Variants in MAEA observed in about 807,000 individuals in gnomAD.
MAEA encodes E3 ubiquitin-protein transferase MAEA.
In MAEA, 22 loss-of-function variants were observed where a neutral mutation model predicts 46.2. That is an observed-to-expected ratio of 0.48 (90% CI 0.34 to 0.68). The LOEUF (loss-of-function observed/expected upper bound fraction) is 0.68. Ranked by LOEUF, MAEA falls within the 30% of genes least tolerant of loss-of-function variation. MAEA has a pLI of 0.01. For missense variants in MAEA, 393 were observed against 558.1 expected (o/e 0.70, Z 2.98); for synonymous variants, 246 against 222.6 (o/e 1.11, Z -0.94).
intron 4 of MAEA, among the ~76,000 whole-genome samples, chr4:1,326,112 G>A (rs1180101950): frequency 2.6e-5 from 4 of 152,230 alleles, no homozygotes; most frequent in South Asian, 2.1e-4. Context: ...TGGGTGCTAT[G>A]CGTGTCGGGG....
chr4:1,303,607 T>G (rs1016843920), intron 1 of MAEA, among the ~76,000 whole-genome samples: 17 of 152,082 alleles, frequency 1.1e-4, no homozygotes, highest in African/African-American at 3.9e-4. Flanking sequence ...CACGTGTGAT[T>G]CCATTTATAT....
At chr4:1,323,170 C>G (rs576366689) in intron 4 of MAEA, among the ~76,000 whole-genome samples, 1 of 152,130 alleles carries the variant, frequency 6.6e-6, no homozygotes, top group Admixed American at 6.5e-5. Flanking sequence ...TGGTCTTGAT[C>G]TCCTGACCTT....
chr4:1,338,596 C>T lies in MAEA; in HGVS notation c.1074C>T (p.Asn358=), dbSNP rs142683395. 2.1e-5 allele frequency: 34 copies of T among 1,611,458 alleles called. No homozygotes were observed. The highest frequency in any genetic ancestry group is 1.2e-4 in the African/African-American group (9 of 74,912). The change falls in exon 8 of 9, where the codon AAC becomes AAT. Residue 358 remains asparagine (N), a synonymous_variant. Coordinates refer to ENST00000303400, the MANE Select transcript of MAEA (RefSeq NM_001017405.3). ...NENNPPMMLP[N]GYVYGYNSLL... ...ACAATCCGCCCATGATGCTGCCCAACGGCTACGTCTACGGCTACAATGTGA... is the reference window on the plus strand; with the variant it reads ...ACAATCCGCCCATGATGCTGCCCAATGGCTACGTCTACGGCTACAATGTGA...
In MAEA at chr4:1,337,008, C is replaced by T. The variant is rs529373682; in HGVS notation, c.899+14C>T. The T allele has an allele frequency of 8.1e-6, 13 of 1,613,056 alleles. No homozygotes were observed. Among genetic ancestry groups the T allele is most frequent in the South Asian group, 5.5e-5 (5 of 91,060 alleles). ...CATCAAGACACCGTATCCTACCTCC[C>T]GTGCGCAGTGCGGTTTGGCCTGGGG... On this transcript the variant is annotated intron_variant, in intron 7 of 8. Transcript: ENST00000303400.
rs1713220205 is a variant in MAEA, at chr4:1,339,289, C to T, written c.*120C>T. ...TTTCTGTTTCTTGCGACCAAAGATC[C>T]GTGAGCAACGATAAATACTCTTAGG... On this transcript the variant is annotated 3_prime_UTR_variant, in exon 9 of 9. Coordinates refer to ENST00000303400, the MANE Select transcript of MAEA (RefSeq NM_001017405.3). 8 of 706,342 alleles carry T rather than the reference C, an allele frequency of 1.1e-5. No individual in the cohort carries two copies. Among genetic ancestry groups the T allele is most frequent in the South Asian group, 4.7e-5 (3 of 64,044 alleles). 43.8% of individuals were successfully genotyped at this position (706,342 alleles called of 1,614,324 possible).
chr4:1,311,618 G>A lies in MAEA; in HGVS notation c.70-361G>A, dbSNP rs1251813932. Among the ~76,000 whole-genome samples the A allele has an allele frequency of 6.6e-6, 1 of 152,174 alleles. No homozygotes were observed. The highest frequency in any genetic ancestry group is 2.4e-5 in the African/African-American group (1 of 41,438). On this transcript the variant is annotated intron_variant, in intron 1 of 8. Transcript: ENST00000303400. This position sits in a 1 kb window ranked among gnomAD's most constrained non-coding sequence, Gnocchi z 4.4. ...AGCCGCAGCAGCCTGGCTGATCACC[G>A]GCCAGGCCTGTGTTTTACCGTCTGA...
chr4:1,291,295 C>T (rs1173685636), intron 1 of MAEA, among the ~76,000 whole-genome samples: 5 of 152,222 alleles, frequency 3.3e-5, no homozygotes, highest in African/African-American at 1.2e-4. Context: ...ACGCGCCCGC[C>T]ACACTAATGG....
chr4:1,312,079 C>T lies in MAEA; in HGVS notation c.170C>T (p.Thr57Met). Reference sequence around the variant, plus strand: ...ATGGTGGTGGCCGAGCTGGAGAAGACGTTGAGCGGCTGCCCCGCCGTGGAC... The same window carrying T: ...ATGGTGGTGGCCGAGCTGGAGAAGATGTTGAGCGGCTGCCCCGCCGTGGAC... ...VTMVVAELEK[T>M]LSGCPAVDSV... is the part of the protein sequence containing the mutation. Residue 57 changes from threonine (T) to methionine (M), a missense_variant, in exon 2 of 9, where the codon ACG (threonine) becomes ATG (methionine). Transcript: ENST00000303400. 6.2e-7 allele frequency: 1 copy of T among 1,613,856 alleles called. No homozygotes were observed. Among genetic ancestry groups the T allele is most frequent in the Non-Finnish European group, 8.5e-7 (1 of 1,180,042 alleles).
At chr4:1,320,215 C>T (rs955123237) in intron 3 of MAEA, among the ~76,000 whole-genome samples, 14 of 142,350 alleles carry the variant, frequency 9.8e-5, no homozygotes, top group African/African-American at 3.8e-4. Flanking sequence ...TGCAAGAAAA[C>T]ACTATGAAGG....
intron 2 of MAEA, among the ~76,000 whole-genome samples, chr4:1,313,345 C>T (rs1000841797): frequency 8.5e-5 from 13 of 152,092 alleles, no homozygotes; most frequent in South Asian, 2.1e-4. Context: ...CAAGACACCA[C>T]GATGGACTGG....
chr4:1,306,439 C>T (rs13142772), intron 1 of MAEA, among the ~76,000 whole-genome samples: 51,859 of 152,016 alleles, frequency 0.34, 10,587 homozygotes, highest in Non-Finnish European at 0.46. Context: ...CACTTGATCC[C>T]GGGAGGCGGA....
At chr4:1,292,475 C>G (rs1734191026) in intron 1 of MAEA, among the ~76,000 whole-genome samples, 2 of 152,086 alleles carry the variant, frequency 1.3e-5, no homozygotes, top group Non-Finnish European at 2.9e-5. Flanking sequence ...ACGCACTGAC[C>G]TTGGGCACCT....
chr4:1,324,434 T>G (rs1738542646), intron 4 of MAEA, among the ~76,000 whole-genome samples: 1 of 139,242 alleles, frequency 7.2e-6, no homozygotes, highest in Non-Finnish European at 1.5e-5. Flanking sequence ...AAGTTGAGAT[T>G]GGTGTTGGAT....
At chr4:1,332,578 G>A in intron 5 of MAEA, 179 bp from the exon 6 acceptor site, 1 of 543,442 alleles carries the variant, frequency 1.8e-6, no homozygotes, top group African/African-American at 1.9e-5. Context: ...TTAGCTAGGT[G>A]TGGTGCTGCA....
intron 1 of MAEA, among the ~76,000 whole-genome samples, chr4:1,291,442 A>G (rs1056224517): frequency 2.0e-5 from 3 of 152,170 alleles, no homozygotes; most frequent in Non-Finnish European, 4.4e-5. Context: ...GGTTTTTAAT[A>G]CTCAGTGACA....
chr4:1,304,481 C>T (rs1277926240), intron 1 of MAEA, among the ~76,000 whole-genome samples: 1 of 152,170 alleles, frequency 6.6e-6, no homozygotes, highest in African/African-American at 2.4e-5. Flanking sequence ...CGCACTGTCG[C>T]CCAGGCTGGA....
chr4:1,297,791 C>T (rs533067892), intron 1 of MAEA, among the ~76,000 whole-genome samples: 1 of 152,220 alleles, frequency 6.6e-6, no homozygotes, highest in Non-Finnish European at 1.5e-5. Context: ...TCCTAAACTT[C>T]GCATCTCACT....
chr4:1,304,128 C>T (rs1735604928), intron 1 of MAEA, among the ~76,000 whole-genome samples: 1 of 152,176 alleles, frequency 6.6e-6, no homozygotes, highest in Non-Finnish European at 1.5e-5. Flanking sequence ...CAGTTTCCTT[C>T]ACCTCACCAG....
chr4:1,292,551 A>G (rs35385487), intron 1 of MAEA, among the ~76,000 whole-genome samples: 23,410 of 151,640 alleles, frequency 0.15, 3,473 homozygotes, highest in East Asian at 0.42. Context: ...GGGCTGGAGG[A>G]GCCTTTGTCG....
Sources: allele counts gnomAD v4.1 joint callset (sites outside exome capture counted in the v4.1 genomes callset), GRCh38; gene constraint gnomAD v4.1.1; non-coding constraint Gnocchi (gnomAD v3.1); transcripts MANE v1.5; gene names NCBI Gene and HGNC (gene_info 2026-07-23, HGNC 2026-07-21).